PTPRD: variants seen among roughly 807,000 people sequenced by gnomAD.
PTPRD encodes the protein receptor-type tyrosine-protein phosphatase delta.
In PTPRD, 34 loss-of-function variants were observed where a neutral mutation model predicts 214.5. The ratio of observed to expected loss-of-function variants is 0.16; its 90% CI spans 0.12 to 0.21. The LOEUF is 0.21. PTPRD is among the 10% of genes least tolerant of loss of function. The probability of loss-of-function intolerance (pLI) is 1.00; values close to 1 mark genes in which losing one functional copy is unlikely to be tolerated. For synonymous variants in PTPRD, 1,128 were observed against 845.7 expected (o/e 1.33, Z -5.79); for missense variants, 2,545 against 2,398.7 (o/e 1.06, Z -1.27).
chr9:10,360,758 A>T (rs570215001), intron 2 of PTPRD, among the ~76,000 whole-genome samples: 2 of 152,316 alleles, frequency 1.3e-5, no homozygotes, highest in East Asian at 3.9e-4. Flanking sequence ...CTTTGAAAAC[A>T]TTTACATTTT....
At chr9:9,399,632 A>G (rs927203467) in intron 8 of PTPRD, among the ~76,000 whole-genome samples, 7 of 151,984 alleles carry the variant, frequency 4.6e-5, no homozygotes, top group African/African-American at 1.7e-4. Context: ...AGTGAGAAGT[A>G]ATTGAATCAT....
intron 11 of PTPRD, among the ~76,000 whole-genome samples, chr9:8,821,543 A>T (rs758687864): frequency 6.6e-6 from 1 of 152,176 alleles, no homozygotes; most frequent in Non-Finnish European, 1.5e-5. Context: ...CCTTTCCCCT[A>T]AGAGTGGAGG....
intron 7 of PTPRD, among the ~76,000 whole-genome samples, chr9:9,644,321 T>C (rs1266755012): frequency 6.6e-6 from 1 of 152,150 alleles, no homozygotes; most frequent in Non-Finnish European, 1.5e-5. Context: ...AAGGCTTTTG[T>C]GGTTTTCTGG....
chr9:10,073,264 T>C (rs545016890), intron 3 of PTPRD, among the ~76,000 whole-genome samples: 46 of 152,154 alleles, frequency 3.0e-4, no homozygotes, highest in African/African-American at 1.1e-3. Context: ...AGACTCTGTA[T>C]TACAAATTCA....
At chr9:9,637,621 C>T (rs2154363547) in intron 7 of PTPRD, among the ~76,000 whole-genome samples, 2 of 152,340 alleles carry the variant, frequency 1.3e-5, no homozygotes, top group East Asian at 3.9e-4. Context: ...GCAGACCATG[C>T]TTTAGCTCTC....
intron 2 of PTPRD, among the ~76,000 whole-genome samples, chr9:10,492,290 G>A (rs1006883833): frequency 6.6e-6 from 1 of 152,116 alleles, no homozygotes; most frequent in African/African-American, 2.4e-5. Flanking sequence ...TTGCCACACA[G>A]TCTTCCACAA....
chr9:9,093,833 T>C (rs2099779718), intron 10 of PTPRD, among the ~76,000 whole-genome samples: 1 of 149,958 alleles, frequency 6.7e-6, no homozygotes, highest in Non-Finnish European at 1.5e-5. Context: ...CGGACATAAA[T>C]AATATGAAAA....
chr9:8,830,460 G>T (rs1458803842), intron 11 of PTPRD, among the ~76,000 whole-genome samples: 2 of 151,990 alleles, frequency 1.3e-5, no homozygotes, highest in Non-Finnish European at 2.9e-5. Context: ...GAAACAAGAG[G>T]GTAAACAAGA....
At chr9:10,039,445 C>A (rs907683791) in intron 3 of PTPRD, among the ~76,000 whole-genome samples, 1 of 152,018 alleles carries the variant, frequency 6.6e-6, no homozygotes, top group Non-Finnish European at 1.5e-5. Context: ...TCTCTATTAT[C>A]TGTGTATGTT....
intron 8 of PTPRD, among the ~76,000 whole-genome samples, chr9:9,437,106 C>G (rs754504553): frequency 2.6e-5 from 4 of 152,164 alleles, no homozygotes; most frequent in Non-Finnish European, 4.4e-5. Flanking sequence ...AGCGAATTCA[C>G]TGGGACACTA....
intron 37 of PTPRD, among the ~76,000 whole-genome samples, chr9:8,387,467 G>C (rs149082242): frequency 6.6e-6 from 1 of 152,320 alleles, no homozygotes; most frequent in East Asian, 1.9e-4. Context: ...GCAGTGTCAA[G>C]ATAAAATGTG....
chr9:9,889,757 C>G (rs942804466), intron 5 of PTPRD, among the ~76,000 whole-genome samples: 2 of 151,742 alleles, frequency 1.3e-5, no homozygotes, highest in African/African-American at 4.8e-5. Context: ...CTTCCTGATT[C>G]TGTTGTGCTT....
intron 3 of PTPRD, among the ~76,000 whole-genome samples, chr9:10,316,163 C>CA (rs2096419775): frequency 1.8e-5 from 2 of 110,596 alleles, no homozygotes; most frequent in African/African-American, 9.1e-5. Context: ...ATATGTATAT[C>CA]TATGTATATA....
intron 2 of PTPRD, among the ~76,000 whole-genome samples, chr9:10,431,413 A>G (rs2098677162): frequency 6.6e-6 from 1 of 152,106 alleles, no homozygotes; most frequent in Admixed American, 6.6e-5. Context: ...AGCAATGGCA[A>G]CAAAAGACAA....
intron 11 of PTPRD, among the ~76,000 whole-genome samples, chr9:8,870,716 A>ACACACACACACACG (rs1566745572): frequency 4.6e-5 from 7 of 151,698 alleles, no homozygotes; most frequent in South Asian, 2.1e-4. Flanking sequence ...ACACACACAC[A>ACACACACACACACG]CACACACACA....
At chr9:8,989,590 C>A (rs1236591467) in intron 11 of PTPRD, among the ~76,000 whole-genome samples, 3 of 151,932 alleles carry the variant, frequency 2.0e-5, no homozygotes, top group Non-Finnish European at 4.4e-5. Flanking sequence ...CCACATTTTC[C>A]TTATACATTC....
intron 11 of PTPRD, among the ~76,000 whole-genome samples, chr9:8,749,986 C>A (rs183113374): frequency 6.6e-6 from 1 of 151,698 alleles, no homozygotes; most frequent in African/African-American, 2.4e-5. Flanking sequence ...GCCTGTAGTC[C>A]CAGCTCCTCG....
intron 34 of PTPRD, among the ~76,000 whole-genome samples, chr9:8,441,690 T>C (rs1238146816): frequency 1.3e-5 from 2 of 152,100 alleles, no homozygotes; most frequent in African/African-American, 4.8e-5. Flanking sequence ...AGAAGTATGC[T>C]TCTTGCATGG....
chr9:8,960,439 T>G (rs1056007751), intron 11 of PTPRD, among the ~76,000 whole-genome samples: 2 of 152,082 alleles, frequency 1.3e-5, no homozygotes, highest in African/African-American at 2.4e-5. Flanking sequence ...CATTGTGCTT[T>G]GCGTAGGCAG....
Sources: gnomAD v4.1 joint callset for allele counts (sites outside exome capture counted in the v4.1 genomes callset) on GRCh38, gnomAD v4.1.1 for gene constraint, MANE v1.5 for transcripts, NCBI Gene and HGNC (gene_info 2026-07-23, HGNC 2026-07-21) for gene names.